Variants in CLEC16A observed in about 807,000 individuals in gnomAD.
CLEC16A encodes C-type lectin domain containing 16A.
In CLEC16A, 51 loss-of-function variants were observed where a neutral mutation model predicts 109.5. The observed-to-expected ratio is 0.47, with a 90% CI of 0.37 to 0.59. The LOEUF is 0.59. CLEC16A is among the 20% of genes least tolerant of loss of function. CLEC16A has a pLI of 0.00. For missense variants in CLEC16A, 1,339 were observed against 1,394.0 expected, an observed-to-expected ratio of 0.96 and a Z score of 0.63; for synonymous variants, 673 against 564.2, an observed-to-expected ratio of 1.19 and a Z score of -2.73.
chr16:11,034,911 G>C (rs2046938321), intron 13 of CLEC16A, among the ~76,000 whole-genome samples: 1 of 143,274 alleles, frequency 7.0e-6, no homozygotes, highest in Non-Finnish European at 1.5e-5. Context: ...GTGAATGAGT[G>C]TCTGTGTGTG....
At position 11,174,079 on chromosome 16, in the gene CLEC16A, G is replaced by T. The variant is rs2141017669; in HGVS notation, c.2807-4256G>T. 2.3e-6 allele frequency: 1 copy of T among 430,646 alleles called. No homozygotes were observed. The highest frequency in any genetic ancestry group is 4.9e-6 in the Non-Finnish European group (1 of 204,210). The allele number at this position is 430,646 out of a possible 1,614,324, so 26.7% of individuals were successfully genotyped here. On this transcript the variant is annotated intron_variant, in intron 23 of 23. Coordinates refer to ENST00000409790, the MANE Select transcript of CLEC16A (RefSeq NM_015226.3). This position sits in a 1 kb window ranked among gnomAD's most constrained non-coding sequence, Gnocchi z 4.7. Reference sequence around the variant, plus strand: ...AGTGCTCAGCGTCCGCTGCTGCTCAGTGTCCCCTCCATGTCGCCTCTGCCG... The same window carrying T: ...AGTGCTCAGCGTCCGCTGCTGCTCATTGTCCCCTCCATGTCGCCTCTGCCG...
chr16:11,032,037 A>C (rs1237144819), intron 13 of CLEC16A, among the ~76,000 whole-genome samples: 1 of 152,194 alleles, frequency 6.6e-6, no homozygotes, highest in African/African-American at 2.4e-5. Flanking sequence ...TTGGACAGAA[A>C]AGTCCTACGA....
At chr16:11,169,949 G>A (rs545299578) in intron 23 of CLEC16A, among the ~76,000 whole-genome samples, 14 of 152,112 alleles carry the variant, frequency 9.2e-5, no homozygotes, top group East Asian at 5.8e-4. Flanking sequence ...GCCACACTCC[G>A]CCTCACATTG....
In CLEC16A at chr16:11,162,138, T is replaced by C. The variant is rs938739064; in HGVS notation, c.2642-4250T>C. Among the ~76,000 whole-genome samples, 5 of 152,232 alleles carry C rather than the reference T, an allele frequency of 3.3e-5. No homozygotes were observed. The East Asian group carries it at 5.8e-4, about 18-fold the overall frequency. ...GTGCTTCACAAATGCCAGAGCGTTA[T>C]TCATTAGTTCATCTTCCCAAAATAA... On this transcript the variant is annotated intron_variant, in intron 22 of 23. Coordinates refer to ENST00000409790, the MANE Select transcript of CLEC16A (RefSeq NM_015226.3).
intron 23 of CLEC16A, among the ~76,000 whole-genome samples, chr16:11,175,557 G>C (rs1044439130): frequency 6.6e-6 from 1 of 152,190 alleles, no homozygotes; most frequent in Non-Finnish European, 1.5e-5. Context: ...TTTTTCACCT[G>C]CCTTGGTTGG....
chr16:11,101,517 G>A (rs958587232), intron 19 of CLEC16A, among the ~76,000 whole-genome samples: 1 of 152,132 alleles, frequency 6.6e-6, no homozygotes, highest in African/African-American at 2.4e-5. Flanking sequence ...CTCCCTACTG[G>A]GCTGTGAGGT....
chr16:11,094,453 G>A (rs1029634709), intron 19 of CLEC16A, among the ~76,000 whole-genome samples: 5 of 152,218 alleles, frequency 3.3e-5, no homozygotes, highest in South Asian at 2.1e-4. Flanking sequence ...GTGGCTTAAC[G>A]GGCCCTCTTG....
chr16:11,071,980 G>A (rs1034201842), intron 19 of CLEC16A, among the ~76,000 whole-genome samples: 1 of 151,882 alleles, frequency 6.6e-6, no homozygotes, highest in Non-Finnish European at 1.5e-5. Flanking sequence ...AGTGTGTAGG[G>A]GTAAAGTGTC....
intron 19 of CLEC16A, among the ~76,000 whole-genome samples, chr16:11,107,068 C>T (rs1051382106): frequency 2.4e-4 from 36 of 152,282 alleles, no homozygotes; most frequent in African/African-American, 8.2e-4. Context: ...TGTGGAGAGG[C>T]GGCAGAGGCC....
intron 19 of CLEC16A, among the ~76,000 whole-genome samples, chr16:11,076,879 C>T (rs1027910105): frequency 6.6e-6 from 1 of 152,120 alleles, no homozygotes; most frequent in South Asian, 2.1e-4. Context: ...GATCAGGAAT[C>T]GAAGAATGGA....
chr16:11,056,816 C>T lies in CLEC16A; in HGVS notation c.1996-4086C>T, dbSNP rs1472183089. The T allele has an allele frequency of 2.0e-5, 3 of 152,198 alleles. No individual in the cohort carries two copies. In the East Asian group the frequency reaches 5.8e-4, roughly 29 times the overall value. The allele number at this position is 152,198 out of a possible 1,614,324, so 9.4% of individuals were successfully genotyped here. A position where few individuals can be genotyped will look rare whatever the true frequency, so the allele number is the denominator to read the frequency against. On this transcript the variant is annotated intron_variant, in intron 18 of 23. Transcript: ENST00000409790. The stretch of plus-strand genomic sequence containing the variant: ...CAATACTTAGACATCTTTTGTGCTC[C>T]TCCTATCTTTGTCTGTAAAAAGAGT...
At chr16:10,977,558 G>T (rs2043090557) in intron 8 of CLEC16A, among the ~76,000 whole-genome samples, 159 bp downstream of exon 8, 1 of 152,120 alleles carries the variant, frequency 6.6e-6, no homozygotes, top group Admixed American at 6.5e-5. Flanking sequence ...CTTTTACCCA[G>T]GCTGGAGTGC....
intron 19 of CLEC16A, among the ~76,000 whole-genome samples, chr16:11,079,059 C>T (rs2049555051): frequency 6.6e-6 from 1 of 152,138 alleles, no homozygotes. Context: ...GCTCCCCAGC[C>T]CTGCAGCCCT....
chr16:11,099,150 G>T (rs977877067), intron 19 of CLEC16A, among the ~76,000 whole-genome samples: 9 of 152,178 alleles, frequency 5.9e-5, no homozygotes, highest in African/African-American at 2.2e-4. Context: ...TCCAGGTCAG[G>T]GAGCTCCAAG....
intron 22 of CLEC16A, among the ~76,000 whole-genome samples, chr16:11,152,746 G>A (rs1597579756): frequency 1.3e-5 from 2 of 152,306 alleles, no homozygotes; most frequent in South Asian, 2.1e-4. Flanking sequence ...TCCTAATGAC[G>A]TTCCCACAAT....
chr16:11,158,487 G>T (rs916209474), intron 22 of CLEC16A, among the ~76,000 whole-genome samples: 6 of 152,196 alleles, frequency 3.9e-5, no homozygotes, highest in Non-Finnish European at 7.3e-5. Flanking sequence ...CCTAAAAGAG[G>T]TCTATTGAAA....
At chr16:10,985,216 A>ATTATAT (rs1320649141) in intron 10 of CLEC16A, among the ~76,000 whole-genome samples, 1 of 117,054 alleles carries the variant, frequency 8.5e-6, no homozygotes. Flanking sequence ...AAAAAAAAAA[A>ATTATAT]AAAAATATAT....
chr16:11,165,652 C>A (rs971156245), intron 22 of CLEC16A, among the ~76,000 whole-genome samples: 3 of 152,132 alleles, frequency 2.0e-5, no homozygotes, highest in Non-Finnish European at 2.9e-5. Flanking sequence ...AACACAATAG[C>A]TGTTCAAGTG....
In CLEC16A at chr16:11,031,658, G is replaced by A. The variant is rs958642521; in HGVS notation, c.1537+6737G>A. Among the ~76,000 whole-genome samples, 8 of 152,340 alleles carry A rather than the reference G, an allele frequency of 5.3e-5. No homozygotes were observed. In the East Asian group the frequency reaches 7.7e-4, roughly 15 times the overall value. ...CACTGGGATCAGTATTGGGGATGCA[G>A]TGGTGAAGCAAACAAATGCTTTCAT... On this transcript the variant is annotated intron_variant, in intron 13 of 23. Coordinates refer to ENST00000409790, the MANE Select transcript of CLEC16A (RefSeq NM_015226.3).
Sources: allele counts gnomAD v4.1 joint callset (sites outside exome capture counted in the v4.1 genomes callset), GRCh38; gene constraint gnomAD v4.1.1; non-coding constraint Gnocchi (gnomAD v3.1); transcripts MANE v1.5; gene names NCBI Gene and HGNC (gene_info 2026-07-23, HGNC 2026-07-21).